NMRK1: variants seen among roughly 807,000 people sequenced by gnomAD.
NMRK1 encodes NRK 1.
In NMRK1, 28 loss-of-function variants were observed where a neutral mutation model predicts 29.9. That is an observed-to-expected ratio of 0.94 (90% CI 0.69 to 1.28). The LOEUF (loss-of-function observed/expected upper bound fraction) is 1.28. Ranked by LOEUF, NMRK1 falls within the 50% of genes most tolerant of loss-of-function variation. NMRK1 has a pLI of 0.00. For synonymous variants in NMRK1, 58 were observed against 73.0 expected, an observed-to-expected ratio of 0.79 and a Z score of 1.05; for missense variants, 218 against 233.1, an observed-to-expected ratio of 0.94 and a Z score of 0.42.
intron 2 of NMRK1, 72 bp from the exon 3 acceptor site, chr9:75,077,652 G>A: frequency 1.0e-6 from 1 of 953,800 alleles, no homozygotes; most frequent in Non-Finnish European, 1.6e-6. Context: ...TTTTTTTTTT[G>A]AGAGACAGGG....
At chr9:75,078,698 T>C (rs1016279796) in intron 2 of NMRK1, 5 of 335,478 alleles carry the variant, frequency 1.5e-5, no homozygotes, top group Middle Eastern at 1.0e-3. Context: ...GTAAGTGATA[T>C]AAGTACCTCT....
chr9:75,078,421 CA>C, intron 2 of NMRK1: 1 of 1,549,268 alleles, frequency 6.5e-7, no homozygotes, highest in Non-Finnish European at 8.7e-7. Flanking sequence ...CACAACAGGC[CA>C]GTTATTTGTC....
At chr9:75,070,500 TAA>T (rs1420058468) in intron 4 of NMRK1, among the ~76,000 whole-genome samples, 1 of 152,206 alleles carries the variant, frequency 6.6e-6, no homozygotes, top group Non-Finnish European at 1.5e-5. Context: ...CTCTTCTAGA[TAA>T]ATAACTAAAA....
rs1332983610 is a variant in NMRK1 at position 75,077,183 on chromosome 9, T to G, written c.145A>C (p.Lys49Gln). ...FKPESEIETD[K>Q]NGFLQYDVLE... ...CCATCGTACTGCAAAAATCCATTTTTATCTGTCTCTATCTCAGACTCTGGC... is the reference window on the plus strand; with the variant it reads ...CCATCGTACTGCAAAAATCCATTTTGATCTGTCTCTATCTCAGACTCTGGC... Residue 49 changes from lysine to glutamine, a missense_variant, in exon 4 of 9, where the codon AAA becomes CAA. Transcript: ENST00000361092. 1 of 1,595,716 alleles carries G rather than the reference T, an allele frequency of 6.3e-7. No homozygotes were observed. Among genetic ancestry groups the G allele is most frequent in the Non-Finnish European group, 8.6e-7 (1 of 1,166,042 alleles).
intron 4 of NMRK1, among the ~76,000 whole-genome samples, chr9:75,076,764 A>AT (rs1297435858): frequency 2.0e-5 from 3 of 151,764 alleles, no homozygotes; most frequent in Non-Finnish European, 4.4e-5. Flanking sequence ...TAATTTTTGT[A>AT]TTTTTTTGGG....
chr9:75,085,427 G>C (rs565235110), intron 1 of NMRK1, among the ~76,000 whole-genome samples: 1 of 152,198 alleles, frequency 6.6e-6, no homozygotes, highest in African/African-American at 2.4e-5. Flanking sequence ...TGTTAGGTAT[G>C]TGCTAGCTTA....
intron 2 of NMRK1, among the ~76,000 whole-genome samples, chr9:75,081,081 C>A (rs1038906217): frequency 6.6e-6 from 1 of 152,170 alleles, no homozygotes; most frequent in Non-Finnish European, 1.5e-5. Flanking sequence ...CCAGGAAGTT[C>A]ATGGATGCCC....
chr9:75,061,596 T>C (rs2117947243), intron 8 of NMRK1, 29 bp from the exon 9 acceptor site: 1 of 1,559,496 alleles, frequency 6.4e-7, no homozygotes, highest in Admixed American at 1.7e-5. Context: ...AAGAAATTAA[T>C]GGAGAATTCC....
At chr9:75,083,867 T>C (rs1383347453) in intron 1 of NMRK1, among the ~76,000 whole-genome samples, 1 of 152,248 alleles carries the variant, frequency 6.6e-6, no homozygotes, top group Admixed American at 6.5e-5. Flanking sequence ...TTTTTTTTGA[T>C]GAAATTCAAC....
intron 3 of NMRK1, 79 bp downstream of exon 3, chr9:75,077,411 C>G: frequency 5.4e-6 from 6 of 1,118,842 alleles, no homozygotes; most frequent in South Asian, 4.0e-5. Flanking sequence ...TAGCCAAAGA[C>G]TTCTTGGATG....
intron 1 of NMRK1, chr9:75,087,590 TTTTA>T (rs1368171337): frequency 1.3e-5 from 2 of 151,054 alleles, no homozygotes; most frequent in African/African-American, 4.9e-5. Flanking sequence ...TTATATTTCT[TTTTA>T]TTTCTTTTCA....
intron 8 of NMRK1, among the ~76,000 whole-genome samples, chr9:75,064,652 T>C (rs1305239709): frequency 6.6e-6 from 1 of 152,190 alleles, no homozygotes; most frequent in Non-Finnish European, 1.5e-5. Context: ...ATCAACAATG[T>C]TTAGGATCAA....
At position 75,069,955 on chromosome 9, in the gene NMRK1, T is replaced by C. The variant is rs1823602217; in HGVS notation, c.257A>G (p.Gln86Arg). ...AATGGGAATTTCCTCAGCACTTTCC[T>C]GGTCTGTTGATACCACAGAGTGTCT... Reference protein sequence around the residue: ...SARHSVVSTDQESAEEIPILI... With the variant: ...SARHSVVSTDRESAEEIPILI... The change falls in exon 5 of 9, where the codon CAG (glutamine) becomes CGG (arginine). Residue 86 changes from glutamine to arginine, a missense_variant. By Grantham distance (43) the Gln-to-Arg change is conservative (BLOSUM62 1). Transcript: ENST00000361092. 6.2e-7 allele frequency: 1 copy of C among 1,614,008 alleles called. No homozygotes were observed.
intron 2 of NMRK1, among the ~76,000 whole-genome samples, chr9:75,080,934 T>C (rs1824283643): frequency 6.6e-6 from 1 of 152,218 alleles, no homozygotes; most frequent in Admixed American, 6.5e-5. Context: ...CCATGTTTCT[T>C]GTAGAGCCTG....
chr9:75,067,012 C>G (rs2273763), intron 7 of NMRK1, 172 bp from the exon 8 acceptor site: 79,003 of 489,430 alleles, frequency 0.16, 7,257 homozygotes, highest in Non-Finnish European at 0.19. Flanking sequence ...TGCTAGCCAG[C>G]TATAATAGGT....
intron 4 of NMRK1, among the ~76,000 whole-genome samples, chr9:75,070,280 C>A (rs1372579184): frequency 6.6e-6 from 1 of 152,156 alleles, no homozygotes; most frequent in Non-Finnish European, 1.5e-5. Context: ...GTACAGTGAA[C>A]TCCTAGGTCC....
At chr9:75,081,899 C>T (rs745493493) in intron 2 of NMRK1, among the ~76,000 whole-genome samples, 1 of 152,056 alleles carries the variant, frequency 6.6e-6, no homozygotes, top group Non-Finnish European at 1.5e-5. Flanking sequence ...TCTTTGTGAC[C>T]AAAAGGATAA....
chr9:75,086,064 T>C (rs1392996855), intron 1 of NMRK1, among the ~76,000 whole-genome samples: 1 of 151,888 alleles, frequency 6.6e-6, no homozygotes, highest in African/African-American at 2.4e-5. Context: ...TACTATTTCA[T>C]TGCCTGTTGC....
intron 8 of NMRK1, among the ~76,000 whole-genome samples, chr9:75,063,364 TAAATA>T (rs1020730706): frequency 2.1e-5 from 3 of 144,454 alleles, no homozygotes; most frequent in Admixed American, 2.0e-4. Context: ...AAAATAAAAA[TAAATA>T]AAACAAAAAA....
Sources: gnomAD v4.1 joint callset for allele counts (sites outside exome capture counted in the v4.1 genomes callset) on GRCh38, gnomAD v4.1.1 for gene constraint, MANE v1.5 for transcripts, NCBI Gene and HGNC (gene_info 2026-07-23, HGNC 2026-07-21) for gene names.